Variants in PDE4D observed in about 807,000 individuals in gnomAD.
The protein encoded by PDE4D is 3',5'-cyclic-AMP phosphodiesterase 4D.
In PDE4D, 24 loss-of-function variants were observed where a neutral mutation model predicts 87.4. The ratio of observed to expected loss-of-function variants is 0.27; its 90% CI spans 0.20 to 0.39. The LOEUF is 0.39. Among genes scored for constraint, PDE4D ranks in the 10% least tolerant of loss-of-function variants. The pLI is 1.00. For missense variants in PDE4D, 714 were observed against 1,041.0 expected (o/e 0.69, Z 4.32); for synonymous variants, 384 against 383.2 (o/e 1.00, Z -0.02).
At chr5:60,296,748 A>C (rs533963156) in intron 1 of PDE4D, among the ~76,000 whole-genome samples, 3 of 152,108 alleles carry the variant, frequency 2.0e-5, no homozygotes, top group Non-Finnish European at 4.4e-5. Context: ...ATACCATGGA[A>C]TACTACGCCA....
chr5:59,828,666 A>G (rs1020532314), intron 1 of PDE4D, among the ~76,000 whole-genome samples: 1 of 152,094 alleles, frequency 6.6e-6, no homozygotes, highest in African/African-American at 2.4e-5. Flanking sequence ...AAACCTCAGC[A>G]AGAGTCCTTT....
At chr5:59,489,242 C>T (rs954559391) in intron 1 of PDE4D, among the ~76,000 whole-genome samples, 6 of 147,494 alleles carry the variant, frequency 4.1e-5, no homozygotes, top group African/African-American at 7.5e-5. Context: ...TCTAGCCTGG[C>T]GACAGAGTGA....
In PDE4D at chr5:59,163,198, G is replaced by A. The variant is rs376343976; in HGVS notation, c.808+17397C>T. Among the ~76,000 whole-genome samples the A allele has an allele frequency of 1.3e-4, 19 of 150,758 alleles. No homozygotes were observed. The East Asian group carries it at 1.8e-3, about 14-fold the overall frequency. On this transcript the variant is annotated intron_variant, in intron 5 of 14. Coordinates refer to ENST00000340635, the MANE Select transcript of PDE4D (RefSeq NM_001104631.2). Reference sequence around the variant, plus strand: ...TGGCCTCAATCGATCCGCCTGCCTCGGCCACCCAAAGTGCTGTGGGATTAC... The same window carrying A: ...TGGCCTCAATCGATCCGCCTGCCTCAGCCACCCAAAGTGCTGTGGGATTAC...
chr5:59,847,098 C>T (rs1485592545), intron 1 of PDE4D, among the ~76,000 whole-genome samples: 1 of 151,880 alleles, frequency 6.6e-6, no homozygotes, highest in Non-Finnish European at 1.5e-5. Flanking sequence ...GAAGGGAATA[C>T]CCAGGCACAC....
chr5:59,394,109 T>C (rs380118), intron 1 of PDE4D, among the ~76,000 whole-genome samples: 61,441 of 151,752 alleles, frequency 0.4, 12,556 homozygotes, highest in East Asian at 0.48. Flanking sequence ...GTTGCTAAAA[T>C]ATACTGTGTC....
At chr5:60,057,853 A>T (rs1183097968) in intron 2 of PDE4D, among the ~76,000 whole-genome samples, 1 of 152,032 alleles carries the variant, frequency 6.6e-6, no homozygotes, top group African/African-American at 2.4e-5. Context: ...TAGCATTACA[A>T]CTGACTACAG....
intron 2 of PDE4D, among the ~76,000 whole-genome samples, chr5:60,179,543 G>GA (rs1189819755): frequency 6.6e-6 from 1 of 151,638 alleles, no homozygotes; most frequent in East Asian, 1.9e-4. Context: ...TTTTACCCTT[G>GA]AAAAAAATTA....
At chr5:60,447,870 G>T (rs1042402357) in intron 1 of PDE4D, among the ~76,000 whole-genome samples, 5 of 152,140 alleles carry the variant, frequency 3.3e-5, no homozygotes, top group African/African-American at 1.2e-4. Context: ...TACTATACTA[G>T]GAGGGTAGCC....
chr5:59,444,058 T>C (rs941259346), intron 1 of PDE4D, among the ~76,000 whole-genome samples: 1 of 152,220 alleles, frequency 6.6e-6, no homozygotes, highest in African/African-American at 2.4e-5. Flanking sequence ...TCTCCAGTGC[T>C]TTTCTGCAAC....
intron 5 of PDE4D, among the ~76,000 whole-genome samples, chr5:59,056,611 C>A (rs1345792739): frequency 6.6e-6 from 1 of 152,036 alleles, no homozygotes; most frequent in Non-Finnish European, 1.5e-5. Flanking sequence ...TCCCCCAACC[C>A]CCACCAGGCC....
intron 1 of PDE4D, among the ~76,000 whole-genome samples, chr5:60,450,524 AT>A (rs1746018881): frequency 6.6e-6 from 1 of 152,162 alleles, no homozygotes; most frequent in Admixed American, 6.6e-5. Flanking sequence ...CATAATTTTA[AT>A]ATGCAGCATT....
chr5:60,454,963 A>C (rs1238835026), intron 1 of PDE4D, among the ~76,000 whole-genome samples: 2 of 152,064 alleles, frequency 1.3e-5, no homozygotes, highest in African/African-American at 4.8e-5. Flanking sequence ...CAAGAGAGAC[A>C]AAAACCCAGA....
chr5:59,580,975 T>C (rs939162020), intron 1 of PDE4D, among the ~76,000 whole-genome samples: 2 of 152,166 alleles, frequency 1.3e-5, no homozygotes, highest in Non-Finnish European at 2.9e-5. Context: ...TATATATGTA[T>C]AAATTTTACA....
intron 2 of PDE4D, among the ~76,000 whole-genome samples, chr5:60,118,895 C>T (rs778030434): frequency 2.0e-5 from 3 of 151,972 alleles, no homozygotes; most frequent in Non-Finnish European, 4.4e-5. Flanking sequence ...CATGTTTCCC[C>T]AAGAGATTCT....
At chr5:59,664,451 T>G (rs1408440556) in intron 1 of PDE4D, among the ~76,000 whole-genome samples, 2 of 152,252 alleles carry the variant, frequency 1.3e-5, no homozygotes, top group African/African-American at 4.8e-5. Flanking sequence ...ATATATTATT[T>G]CATTTTAGGT....
intron 2 of PDE4D, among the ~76,000 whole-genome samples, chr5:60,160,052 C>T (rs972947470): frequency 6.6e-6 from 1 of 152,154 alleles, no homozygotes; most frequent in Admixed American, 6.5e-5. Flanking sequence ...CTTTCTCCTC[C>T]TCAGCCTACT....
At chr5:60,015,917 T>A (rs1479251266) in intron 2 of PDE4D, among the ~76,000 whole-genome samples, 2 of 151,378 alleles carry the variant, frequency 1.3e-5, no homozygotes, top group Non-Finnish European at 2.9e-5. Flanking sequence ...AGACAGAGTC[T>A]TACTCAGTCA....
chr5:59,008,214 T>C (rs901458478), intron 6 of PDE4D, among the ~76,000 whole-genome samples: 3 of 152,062 alleles, frequency 2.0e-5, no homozygotes, highest in South Asian at 2.1e-4. Context: ...TATGAAAAAG[T>C]ATTGTCTCCT....
chr5:59,151,325 T>C (rs1779445933), intron 5 of PDE4D, among the ~76,000 whole-genome samples: 1 of 152,264 alleles, frequency 6.6e-6, no homozygotes, highest in South Asian at 2.1e-4. Flanking sequence ...TGTCCTGTAC[T>C]GGCTGCTTGA....
Sources: gnomAD v4.1 joint callset for allele counts (sites outside exome capture counted in the v4.1 genomes callset) on GRCh38, gnomAD v4.1.1 for gene constraint, MANE v1.5 for transcripts, NCBI Gene and HGNC (gene_info 2026-07-23, HGNC 2026-07-21) for gene names.